The following LDB2 variants were observed in gnomAD, a reference collection of about 807,000 sequenced individuals.
LDB2 encodes the protein LIM domain-binding protein 2.
Under a neutral mutation model 44.3 loss-of-function variants are expected in LDB2, and 12 were observed. The observed-to-expected ratio is 0.27, with a 90% CI of 0.17 to 0.44. The LOEUF (loss-of-function observed/expected upper bound fraction) is 0.44. LDB2 is among the 20% of genes least tolerant of loss of function. LDB2 has a pLI of 1.00. For synonymous variants in LDB2, 164 were observed against 174.8 expected (o/e 0.94, Z 0.49); for missense variants, 344 against 473.5 (o/e 0.73, Z 2.54).
At chr4:16,592,465 C>CATACATATAT (rs1260473942) in intron 3 of LDB2, among the ~76,000 whole-genome samples, 18 of 116,586 alleles carry the variant, frequency 1.5e-4, no homozygotes, top group South Asian at 5.8e-4. Context: ...ATTATACATA[C>CATACATATAT]ATATATATAT....
intron 2 of LDB2, among the ~76,000 whole-genome samples, chr4:16,671,807 G>T (rs1744837062): frequency 6.6e-6 from 1 of 151,822 alleles, no homozygotes; most frequent in African/African-American, 2.4e-5. Flanking sequence ...TCCTCCACAA[G>T]CAGCTGGGTG....
chr4:16,646,067 CTACGAAG>C (rs1244599599), intron 2 of LDB2, among the ~76,000 whole-genome samples: 2 of 152,170 alleles, frequency 1.3e-5, no homozygotes, highest in Non-Finnish European at 2.9e-5. Flanking sequence ...TTTTGTTATT[CTACGAAG>C]TAACCAAGCA....
intron 1 of LDB2, among the ~76,000 whole-genome samples, chr4:16,840,972 A>C (rs888870136): frequency 1.3e-5 from 2 of 152,160 alleles, no homozygotes; most frequent in Non-Finnish European, 2.9e-5. Context: ...TAGGAACATC[A>C]AAGAGGATTT....
chr4:16,760,595 T>A lies in LDB2; in HGVS notation c.133-1335A>T, dbSNP rs937607627. On this transcript the variant is annotated intron_variant, in intron 1 of 7. Coordinates refer to ENST00000304523, the MANE Select transcript of LDB2 (RefSeq NM_001290.5). ...CTTTTTCTCCTTTCAGAAACAAATA[T>A]GTATTGGGCACTTAACTATGTGTAG... is the stretch of plus-strand genomic sequence containing the variant. Among the ~76,000 whole-genome samples, 3 of 151,882 alleles carry A rather than the reference T, an allele frequency of 2.0e-5. No homozygotes were observed. In the East Asian group the frequency reaches 5.8e-4, roughly 29 times the overall value.
At chr4:16,827,825 AGTACCTGG>A (rs1783336451) in intron 1 of LDB2, among the ~76,000 whole-genome samples, 1 of 152,194 alleles carries the variant, frequency 6.6e-6, no homozygotes, top group Non-Finnish European at 1.5e-5. Flanking sequence ...CAGAGTGGCC[AGTACCTGG>A]GCCCTGGCCA....
intron 2 of LDB2, among the ~76,000 whole-genome samples, chr4:16,756,127 G>C (rs1391630123): frequency 1.3e-5 from 2 of 152,108 alleles, no homozygotes; most frequent in East Asian, 1.9e-4. Flanking sequence ...TTATTATACT[G>C]CCGGGACTTT....
At chr4:16,589,473 C>T (rs965250083) in intron 3 of LDB2, among the ~76,000 whole-genome samples, 1 of 152,018 alleles carries the variant, frequency 6.6e-6, no homozygotes, top group Non-Finnish European at 1.5e-5. Flanking sequence ...GGATGGGACA[C>T]TTTATCTTTC....
intron 2 of LDB2, among the ~76,000 whole-genome samples, chr4:16,743,333 T>C (rs989703352): frequency 2.6e-5 from 4 of 152,108 alleles, no homozygotes; most frequent in African/African-American, 7.2e-5. Flanking sequence ...AATATAATTA[T>C]GTATCTGCCT....
chr4:16,571,277 T>G (rs1746434477), intron 5 of LDB2, among the ~76,000 whole-genome samples: 1 of 152,136 alleles, frequency 6.6e-6, no homozygotes, highest in South Asian at 2.1e-4. Context: ...GACATTAGCA[T>G]AGGGATAAGA....
intron 1 of LDB2, among the ~76,000 whole-genome samples, chr4:16,882,719 T>A (rs938052583): frequency 6.6e-6 from 1 of 151,974 alleles, no homozygotes; most frequent in East Asian, 1.9e-4. Context: ...AATACAGTAT[T>A]TTTTTTTCAA....
intron 2 of LDB2, among the ~76,000 whole-genome samples, chr4:16,682,380 C>T (rs996800690): frequency 2.0e-5 from 3 of 152,186 alleles, no homozygotes; most frequent in Non-Finnish European, 4.4e-5. Flanking sequence ...GACCAGGCAT[C>T]GTCAGCTGGC....
chr4:16,550,477 T>C (rs1191073063), intron 5 of LDB2, among the ~76,000 whole-genome samples: 1 of 152,266 alleles, frequency 6.6e-6, no homozygotes, highest in Non-Finnish European at 1.5e-5. Flanking sequence ...GTATATTTCC[T>C]GTGTGAAAGT....
chr4:16,862,415 C>T (rs544667599), intron 1 of LDB2, among the ~76,000 whole-genome samples: 2 of 151,956 alleles, frequency 1.3e-5, no homozygotes, highest in Non-Finnish European at 2.9e-5. Context: ...AGGTGGATCA[C>T]CTGTGGTCGG....
intron 1 of LDB2, among the ~76,000 whole-genome samples, chr4:16,842,334 CAGAG>C (rs1159582378): frequency 1.3e-5 from 2 of 151,914 alleles, no homozygotes; most frequent in African/African-American, 2.4e-5. Context: ...CTGAGAATGT[CAGAG>C]AGAGAAACGG....
chr4:16,769,690 G>A (rs1200354274), intron 1 of LDB2, among the ~76,000 whole-genome samples: 2 of 150,774 alleles, frequency 1.3e-5, no homozygotes, highest in Non-Finnish European at 2.9e-5. Context: ...CTCATTCTCA[G>A]CTAAATTGCA....
intron 2 of LDB2, among the ~76,000 whole-genome samples, chr4:16,614,861 G>C (rs1241418165): frequency 6.6e-6 from 1 of 150,842 alleles, no homozygotes; most frequent in African/African-American, 2.4e-5. Context: ...ATGAGGTCAG[G>C]AGATCGAGAC....
chr4:16,870,492 C>T (rs561743641), intron 1 of LDB2, among the ~76,000 whole-genome samples: 7 of 152,086 alleles, frequency 4.6e-5, no homozygotes, highest in South Asian at 2.1e-4. Flanking sequence ...TGGGGACCTG[C>T]GGTCACCCCC....
chr4:16,855,627 A>G (rs968402972), intron 1 of LDB2, among the ~76,000 whole-genome samples: 4 of 152,258 alleles, frequency 2.6e-5, no homozygotes, highest in Non-Finnish European at 4.4e-5. Flanking sequence ...TTTATTGTCA[A>G]TGACAAACTT....
At chr4:16,563,429 ATTTTTTTTTTTTTTTTTTTT>A (rs1169491759) in intron 5 of LDB2, among the ~76,000 whole-genome samples, 3 of 46,532 alleles carry the variant, frequency 6.4e-5, no homozygotes, top group Non-Finnish European at 1.2e-4. Flanking sequence ...CAGTCATCAG[ATTTTTTTTTTTTTTTTTTTT>A]TTTTTTTTTT....
Sources: gnomAD v4.1 joint callset for allele counts (sites outside exome capture counted in the v4.1 genomes callset) on GRCh38, gnomAD v4.1.1 for gene constraint, MANE v1.5 for transcripts, NCBI Gene and HGNC (gene_info 2026-07-23, HGNC 2026-07-21) for gene names.